IL1R1: variants seen among roughly 807,000 people sequenced by gnomAD.
IL1R1 encodes the protein interleukin 1 receptor type 1.
A neutral mutation model predicts 50.2 loss-of-function variants in IL1R1; 22 were observed. That is an observed-to-expected ratio of 0.44 (90% CI 0.31 to 0.63). The LOEUF (loss-of-function observed/expected upper bound fraction) is 0.63, where lower values mean the gene tolerates loss of function less well. IL1R1 is among the 20% of genes least tolerant of loss of function. IL1R1 has a pLI of 0.07. For synonymous variants in IL1R1, 251 were observed against 236.7 expected (o/e 1.06, Z -0.55); for missense variants, 509 against 676.2 (o/e 0.75, Z 2.74).
At chr2:102,120,364 C>G (rs1300417039) in intron 1 of IL1R1, among the ~76,000 whole-genome samples, 2 of 151,966 alleles carry the variant, frequency 1.3e-5, no homozygotes, top group African/African-American at 4.8e-5. Flanking sequence ...TGCATGTGCT[C>G]TGTGGCTGTG....
chr2:102,096,545 T>G (rs529292933), intron 1 of IL1R1, among the ~76,000 whole-genome samples: 1 of 152,132 alleles, frequency 6.6e-6, no homozygotes, highest in Non-Finnish European at 1.5e-5. Flanking sequence ...TTGTCTTTTT[T>G]TGCCTATTTA....
At chr2:102,120,038 C>T (rs927850701) in intron 1 of IL1R1, among the ~76,000 whole-genome samples, 1 of 152,176 alleles carries the variant, frequency 6.6e-6, no homozygotes, top group African/African-American at 2.4e-5. Context: ...GTGGCCCCTT[C>T]CAAACCTCCC....
At chr2:102,168,518 T>C in intron 6 of IL1R1, 80 bp from the exon 7 acceptor site, 1 of 1,063,328 alleles carries the variant, frequency 9.4e-7, no homozygotes, top group Non-Finnish European at 1.5e-6. Flanking sequence ...AGTCATTTAG[T>C]ATGTTTTGCT....
intron 3 of IL1R1, among the ~76,000 whole-genome samples, chr2:102,161,228 T>C (rs991252828): frequency 8.5e-5 from 13 of 152,200 alleles, no homozygotes; most frequent in Non-Finnish European, 1.3e-4. Context: ...TTTTCAAATA[T>C]ATAGGGATTC....
rs1686344311 is a variant in IL1R1, at chr2:102,178,697, A to G, written c.*1938A>G. ...AAATTCCAAACTTCTAAATGTTGGA[A>G]TTTTCAAAAATTGTGTTTAGATTTT... On this transcript the variant is annotated 3_prime_UTR_variant, in exon 12 of 12. Coordinates refer to ENST00000410023, the MANE Select transcript of IL1R1 (RefSeq NM_000877.4). The G allele has an allele frequency of 6.6e-6, 1 of 152,316 alleles. No individual in the cohort carries two copies. Among genetic ancestry groups the G allele is most frequent in the Non-Finnish European group, 1.5e-5 (1 of 68,028 alleles). The allele number at this position is 152,316 out of a possible 1,614,324, so 9.4% of individuals were successfully genotyped here.
chr2:102,160,916 T>G (rs528846213), intron 3 of IL1R1, among the ~76,000 whole-genome samples: 15 of 152,282 alleles, frequency 9.9e-5, no homozygotes, highest in African/African-American at 3.6e-4. Context: ...TTCAATTGCA[T>G]TAGTCTCTGT....
At chr2:102,149,446 G>A (rs958816501) in intron 1 of IL1R1, among the ~76,000 whole-genome samples, 5 of 152,252 alleles carry the variant, frequency 3.3e-5, no homozygotes, top group African/African-American at 1.2e-4. Context: ...GGCCTCTGTA[G>A]AGATTTGGCC....
At chr2:102,095,500 A>G (rs576848854) in intron 1 of IL1R1, among the ~76,000 whole-genome samples, 63 of 152,344 alleles carry the variant, frequency 4.1e-4, no homozygotes, top group African/African-American at 1.5e-3. Flanking sequence ...TATAAGGCCC[A>G]TATAAGGCCT....
intron 3 of IL1R1, among the ~76,000 whole-genome samples, chr2:102,161,136 A>T (rs542197659): frequency 1.3e-5 from 2 of 152,076 alleles, no homozygotes; most frequent in Non-Finnish European, 2.9e-5. Context: ...TTGATATGTT[A>T]TGTTTTCCTT....
At chr2:102,157,377 G>A (rs537058662) in intron 2 of IL1R1, among the ~76,000 whole-genome samples, 2 of 152,220 alleles carry the variant, frequency 1.3e-5, no homozygotes, top group South Asian at 2.1e-4. Flanking sequence ...GCTTAGGGGC[G>A]AGTGCATAGC....
chr2:102,100,500 A>G (rs1033385520), upstream of IL1R1, among the ~76,000 whole-genome samples: 6 of 152,218 alleles, frequency 3.9e-5, no homozygotes, highest in African/African-American at 1.4e-4. Context: ...TGTTTTGCTC[A>G]CAAGACAGAT....
upstream of IL1R1, among the ~76,000 whole-genome samples, chr2:102,138,242 C>T (rs1682450860): frequency 6.6e-6 from 1 of 152,122 alleles, no homozygotes; most frequent in Non-Finnish European, 1.5e-5. Context: ...TGTAACAGTA[C>T]TTGGATGTCG....
chr2:102,088,746 T>C (rs2104305976), intron 1 of IL1R1, among the ~76,000 whole-genome samples: 1 of 152,372 alleles, frequency 6.6e-6, no homozygotes, highest in Admixed American at 6.5e-5. Flanking sequence ...ATCTGTTGTT[T>C]AGTGTAGCCA....
At chr2:102,072,059 A>T (rs1678745520) in intron 1 of IL1R1, among the ~76,000 whole-genome samples, 1 of 152,110 alleles carries the variant, frequency 6.6e-6, no homozygotes. Context: ...GGAGTTCGAG[A>T]CCACCCTGGC....
rs753475335 is a variant in IL1R1, at chr2:102,171,892, C to A, written c.813C>A (p.Asp271Glu). The A allele has an allele frequency of 1.2e-6, 2 of 1,600,040 alleles. No homozygotes were observed. Among genetic ancestry groups the A allele is most frequent in the African/African-American group, 2.7e-5 (2 of 74,548 alleles). ...ATGGGTCAGTAATTGATGAAGATGA[C>A]CCAGTGCTAGGGGAAGACTATTACA... ...KWNGSVIDED[D>E]PVLGEDYYSV... The change falls in exon 8 of 12, where the codon GAC becomes GAA. Residue 271 changes from aspartate (D) to glutamate (E), a missense_variant. Coordinates refer to ENST00000410023, the MANE Select transcript of IL1R1 (RefSeq NM_000877.4).
intron 1 of IL1R1, among the ~76,000 whole-genome samples, chr2:102,089,172 A>T: frequency 6.6e-6 from 1 of 152,310 alleles, no homozygotes; most frequent in East Asian, 1.9e-4. Context: ...CTTTCATCCC[A>T]TCTTGGCTTT....
intron 1 of IL1R1, among the ~76,000 whole-genome samples, chr2:102,122,439 TA>T (rs1681454854): frequency 6.6e-6 from 1 of 152,078 alleles, no homozygotes; most frequent in Admixed American, 6.6e-5. Context: ...GCGCACAGAA[TA>T]ATGAGTGAGT....
In IL1R1 at chr2:102,166,293, C is replaced by G. The variant is rs1402438822; in HGVS notation, c.655+12C>G. On this transcript the variant is annotated intron_variant, in intron 6 of 11. Transcript: ENST00000410023. ...ATTTATTACTCTAGGTGAGTCATAG[C>G]TCCAGCCCTAAAAGGTTTAGATCTG... 1 of 1,597,732 alleles carries G rather than the reference C, an allele frequency of 6.3e-7. No individual in the cohort carries two copies.
chr2:102,167,080 CT>C (rs34817825), intron 6 of IL1R1, among the ~76,000 whole-genome samples: 1 of 152,002 alleles, frequency 6.6e-6, no homozygotes, highest in Non-Finnish European at 1.5e-5. Flanking sequence ...CCAATCAGAA[CT>C]TTTTTGCAGG....
Sources: allele counts gnomAD v4.1 joint callset (sites outside exome capture counted in the v4.1 genomes callset), GRCh38; gene constraint gnomAD v4.1.1; transcripts MANE v1.5; gene names NCBI Gene and HGNC (gene_info 2026-07-23, HGNC 2026-07-21).